BAIAP2L1: variants seen among roughly 807,000 people sequenced by gnomAD.
The protein encoded by BAIAP2L1 is BAR/IMD domain-containing adapter protein 2-like 1.
In BAIAP2L1, 35 loss-of-function variants were observed where a neutral mutation model predicts 66.3. The ratio of observed to expected loss-of-function variants is 0.53; its 90% CI spans 0.40 to 0.70. The LOEUF (loss-of-function observed/expected upper bound fraction) is 0.70. Among genes scored for constraint, BAIAP2L1 ranks in the 30% least tolerant of loss-of-function variants. The probability of loss-of-function intolerance (pLI) is 0.00; values close to 1 mark genes in which losing one functional copy is unlikely to be tolerated. For synonymous variants in BAIAP2L1, 269 were observed against 248.7 expected, an observed-to-expected ratio of 1.08 and a Z score of -0.77; for missense variants, 622 against 656.9, an observed-to-expected ratio of 0.95 and a Z score of 0.58.
chr7:98,315,263 A>AG (rs1801030502), intron 7 of BAIAP2L1, among the ~76,000 whole-genome samples, 197 bp downstream of exon 7: 1 of 151,772 alleles, frequency 6.6e-6, no homozygotes, highest in Non-Finnish European at 1.5e-5. Context: ...CTGGGACTAC[A>AG]GGCACATGCT....
At chr7:98,354,360 A>C (rs1447352376) in intron 3 of BAIAP2L1, among the ~76,000 whole-genome samples, 3 of 152,058 alleles carry the variant, frequency 2.0e-5, no homozygotes. Flanking sequence ...TTAAATACGC[A>C]CACACTTTAC....
At chr7:98,370,404 C>T (rs1802484585) in intron 1 of BAIAP2L1, among the ~76,000 whole-genome samples, 1 of 147,830 alleles carries the variant, frequency 6.8e-6, no homozygotes, top group East Asian at 2.1e-4. Flanking sequence ...TTTGCAACTA[C>T]AGTTTGTAGT....
chr7:98,393,071 G>GTATATA lies in BAIAP2L1; in HGVS notation c.51+7730_51+7731insTATATA, dbSNP rs372759485. Among the ~76,000 whole-genome samples, 67 of 125,560 alleles carry GTATATA rather than the reference G, an allele frequency of 5.3e-4. 3 individuals carry two copies. The highest frequency in any genetic ancestry group is 1.9e-3 in the African/African-American group (58 of 30,272). 82.4% of individuals were successfully genotyped at this position (125,560 alleles called of 152,430 possible). A position where few individuals can be genotyped will look rare whatever the true frequency, so the allele number is the denominator to read the frequency against. On this transcript the variant is annotated intron_variant, in intron 1 of 13. Transcript: ENST00000005260. ...CGTGTACATATATGTACACATATATGTATACACACACATATATACATATAT... is the reference window on the plus strand; with the variant it reads ...CGTGTACATATATGTACACATATATGTATATATATACACACACATATATACATATAT...
rs557922080 is a variant in BAIAP2L1, at chr7:98,314,934, T to C, written c.639+526A>G. Among the ~76,000 whole-genome samples, 260 of 152,322 alleles carry C rather than the reference T, an allele frequency of 1.7e-3. 3 individuals carry two copies. The highest frequency in any genetic ancestry group is 3.4e-3 in the Middle Eastern group (1 of 294). ...GCATTATTTTATGAAGGACTTTAAA[T>C]ATGGATGTATTATTAATTTATTAAA... On this transcript the variant is annotated intron_variant, in intron 7 of 13. Coordinates refer to ENST00000005260, the MANE Select transcript of BAIAP2L1 (RefSeq NM_018842.5).
chr7:98,297,012 G>A (rs1380528447), intron 12 of BAIAP2L1, among the ~76,000 whole-genome samples: 1 of 152,208 alleles, frequency 6.6e-6, no homozygotes, highest in Non-Finnish European at 1.5e-5. Flanking sequence ...CACTGCCACC[G>A]GCACCCAGGG....
intron 1 of BAIAP2L1, among the ~76,000 whole-genome samples, chr7:98,395,369 G>GTGGA (rs1414933773): frequency 6.6e-6 from 1 of 151,744 alleles, no homozygotes; most frequent in African/African-American, 2.4e-5. Flanking sequence ...AACCTGGGAG[G>GTGGA]TGGAGGTTGC....
chr7:98,360,624 A>G (rs983605206), intron 2 of BAIAP2L1, among the ~76,000 whole-genome samples: 6 of 151,948 alleles, frequency 3.9e-5, no homozygotes, highest in African/African-American at 1.5e-4. Flanking sequence ...CATGCTAGAA[A>G]GAAAAAAAAA....
intron 2 of BAIAP2L1, among the ~76,000 whole-genome samples, chr7:98,355,707 G>C (rs1802104720): frequency 6.6e-6 from 1 of 152,104 alleles, no homozygotes; most frequent in South Asian, 2.1e-4. Context: ...TCTACTCTGG[G>C]TGACACAGCC....
intron 10 of BAIAP2L1, 52 bp downstream of exon 10, chr7:98,307,637 G>A: frequency 6.2e-7 from 1 of 1,604,078 alleles, no homozygotes; most frequent in Non-Finnish European, 8.5e-7. Context: ...TGGCTGCTCT[G>A]GAAGGGAGGG....
chr7:98,296,246 G>T (rs948598806), intron 12 of BAIAP2L1, among the ~76,000 whole-genome samples: 3 of 152,220 alleles, frequency 2.0e-5, no homozygotes, highest in African/African-American at 7.2e-5. Flanking sequence ...GGCCGGGAAC[G>T]TCCTGCTGGG....
chr7:98,364,986 CAAAAAAAAAAAAAAAA>C (rs531177927), intron 1 of BAIAP2L1, among the ~76,000 whole-genome samples: 19 of 30,800 alleles, frequency 6.2e-4, no homozygotes, highest in African/African-American at 1.8e-3. Flanking sequence ...GGATATGTCT[CAAAAAAAAAAAAAAAA>C]AAAAAAAAAA....
At chr7:98,314,686 C>T (rs1349784285) in intron 7 of BAIAP2L1, among the ~76,000 whole-genome samples, 1 of 152,074 alleles carries the variant, frequency 6.6e-6, no homozygotes, top group Non-Finnish European at 1.5e-5. Flanking sequence ...TCCTGATGCG[C>T]GTGAATGGGG....
intron 7 of BAIAP2L1, among the ~76,000 whole-genome samples, chr7:98,314,097 T>C (rs1424725140): frequency 6.7e-6 from 1 of 148,412 alleles, no homozygotes; most frequent in Admixed American, 6.9e-5. Context: ...ACAATTCTCC[T>C]GCCTCAGCCT....
chr7:98,397,126 G>A (rs1390016484), intron 1 of BAIAP2L1, among the ~76,000 whole-genome samples: 1 of 152,070 alleles, frequency 6.6e-6, no homozygotes, highest in Non-Finnish European at 1.5e-5. Flanking sequence ...TGTTATGGGG[G>A]AAGGTAATGT....
At chr7:98,377,154 T>C (rs1802652504) in intron 1 of BAIAP2L1, among the ~76,000 whole-genome samples, 1 of 152,162 alleles carries the variant, frequency 6.6e-6, no homozygotes, top group Non-Finnish European at 1.5e-5. Flanking sequence ...TTTTCACTTA[T>C]ATATAGATAT....
chr7:98,379,373 C>G (rs1057417277), intron 1 of BAIAP2L1, among the ~76,000 whole-genome samples: 1 of 152,164 alleles, frequency 6.6e-6, no homozygotes, highest in Non-Finnish European at 1.5e-5. Flanking sequence ...CTGAACACAT[C>G]GCTACAGACA....
chr7:98,323,127 C>T (rs924217281), intron 3 of BAIAP2L1: 18 of 152,370 alleles, frequency 1.2e-4, no homozygotes, highest in Admixed American at 1.2e-3. Context: ...ACATCCTTAG[C>T]AACGCTGGCT....
chr7:98,343,709 T>A (rs1015069832), intron 3 of BAIAP2L1, among the ~76,000 whole-genome samples: 1 of 152,152 alleles, frequency 6.6e-6, no homozygotes, highest in Non-Finnish European at 1.5e-5. Flanking sequence ...CTCACAAGAT[T>A]ATCCCAATTG....
chr7:98,362,355 AC>A lies in BAIAP2L1; in HGVS notation c.127+1del. The A allele has an allele frequency of 6.2e-7, 1 of 1,602,488 alleles. No homozygotes were observed. Among genetic ancestry groups the A allele is most frequent in the Non-Finnish European group, 8.5e-7 (1 of 1,170,672 alleles). On this transcript the variant is annotated splice_donor_variant, in intron 2 of 13. Transcript: ENST00000005260. LOFTEE classifies it high-confidence loss of function. ...ATAATCAATTCAGAAAAACAGACTT[AC>A]CGTTTACAGCTTTCTCATAATTTTT...
Sources: gnomAD v4.1 joint callset for allele counts (sites outside exome capture counted in the v4.1 genomes callset) on GRCh38, gnomAD v4.1.1 for gene constraint, MANE v1.5 for transcripts, NCBI Gene and HGNC (gene_info 2026-07-23, HGNC 2026-07-21) for gene names.